Variants in IKZF2 observed in about 807,000 individuals in gnomAD.
The protein encoded by IKZF2 is IKAROS family zinc finger 2.
In IKZF2, 15 loss-of-function variants were observed where a neutral mutation model predicts 49.2. The observed-to-expected ratio is 0.30, with a 90% CI of 0.20 to 0.47. The LOEUF is 0.47. Among genes scored for constraint, IKZF2 ranks in the 20% least tolerant of loss-of-function variants. The pLI, the probability that IKZF2 is intolerant of heterozygous loss-of-function variation, is 1.00. For synonymous variants in IKZF2, 227 were observed against 221.4 expected (o/e 1.03, Z -0.23); for missense variants, 567 against 664.6 (o/e 0.85, Z 1.61).
intron 4 of IKZF2, among the ~76,000 whole-genome samples, chr2:213,119,761 T>A (rs992149904): frequency 6.6e-6 from 1 of 152,200 alleles, no homozygotes; most frequent in Non-Finnish European, 1.5e-5. Flanking sequence ...CCATCATATA[T>A]GGATCCCTAC....
rs1260767436 is a variant in IKZF2, at chr2:213,002,011, C to T, written c.*5349G>A. On this transcript the variant is annotated 3_prime_UTR_variant, in exon 9 of 9. Coordinates refer to ENST00000434687, the MANE Select transcript of IKZF2 (RefSeq NM_001387220.1). Reference sequence around the variant, plus strand: ...CTTGGTAAGTGCATAGTAGGGGATTCAGTGACCTCCACCTGCTCAAGAAGC... The same window carrying T: ...CTTGGTAAGTGCATAGTAGGGGATTTAGTGACCTCCACCTGCTCAAGAAGC... 1 of 151,348 alleles carries T rather than the reference C, an allele frequency of 6.6e-6. No individual in the cohort carries two copies. 9.4% of individuals were successfully genotyped at this position (151,348 alleles called of 1,614,324 possible). A position where few individuals can be genotyped will look rare whatever the true frequency, so the allele number is the denominator to read the frequency against.
intron 5 of IKZF2, among the ~76,000 whole-genome samples, chr2:213,051,665 G>A (rs1433175510): frequency 2.0e-5 from 3 of 151,730 alleles, no homozygotes; most frequent in Non-Finnish European, 4.4e-5. Context: ...TTTAAATCAA[G>A]AATTTTCCAC....
chr2:213,111,782 T>C (rs1052165161), intron 4 of IKZF2, among the ~76,000 whole-genome samples: 4 of 152,156 alleles, frequency 2.6e-5, no homozygotes, highest in African/African-American at 9.6e-5. Context: ...TGTTAATTTT[T>C]GTCCTATGTT....
At chr2:213,027,660 C>T (rs1045325075) in intron 6 of IKZF2, among the ~76,000 whole-genome samples, 2 of 152,112 alleles carry the variant, frequency 1.3e-5, no homozygotes, top group Non-Finnish European at 2.9e-5. Flanking sequence ...CCATGTTTTC[C>T]TCTTCGTTGG....
rs1308894132 is a variant in IKZF2 at position 213,109,229 on chromosome 2, C to T, written c.139+38479G>A. Among the ~76,000 whole-genome samples the T allele has an allele frequency of 2.6e-5, 4 of 152,030 alleles. No homozygotes were observed. In the East Asian group the frequency reaches 7.7e-4, roughly 29 times the overall value. On this transcript the variant is annotated intron_variant, in intron 4 of 8. Transcript: ENST00000434687. ...CCTACCAAATTCTCAGCAAGTAAAA[C>T]ATGCAAGCAGACACAAAATTATAGC...
chr2:213,026,381 C>A (rs1697824722), intron 6 of IKZF2, among the ~76,000 whole-genome samples: 1 of 152,128 alleles, frequency 6.6e-6, no homozygotes, highest in Admixed American at 6.6e-5. Flanking sequence ...GACTTTTATA[C>A]TGGTATTTAC....
chr2:213,114,804 C>T (rs749243586), intron 4 of IKZF2, among the ~76,000 whole-genome samples: 22 of 151,902 alleles, frequency 1.4e-4, no homozygotes, highest in Admixed American at 5.2e-4. Context: ...TGGTAGCGCG[C>T]GCCTGTAGTC....
chr2:213,071,893 C>G (rs1473529136), intron 4 of IKZF2, among the ~76,000 whole-genome samples: 2 of 151,794 alleles, frequency 1.3e-5, no homozygotes, highest in African/African-American at 4.8e-5. Flanking sequence ...CAAGCAAAAC[C>G]TAAAAATATT....
At chr2:213,104,203 T>C (rs915195642) in intron 4 of IKZF2, among the ~76,000 whole-genome samples, 6 of 151,918 alleles carry the variant, frequency 3.9e-5, no homozygotes, top group African/African-American at 1.4e-4. Context: ...TTAAAAGTTT[T>C]GTTTTGCTGT....
At chr2:213,118,407 C>T (rs2059943960) in intron 4 of IKZF2, among the ~76,000 whole-genome samples, 1 of 152,106 alleles carries the variant, frequency 6.6e-6, no homozygotes, top group Non-Finnish European at 1.5e-5. Flanking sequence ...GGGCTCTGTT[C>T]TAAGACTATC....
At chr2:213,072,296 G>GTTTTTTTT (rs377550534) in intron 4 of IKZF2, among the ~76,000 whole-genome samples, 3 of 144,550 alleles carry the variant, frequency 2.1e-5, no homozygotes, top group Non-Finnish European at 4.6e-5. Flanking sequence ...CCTTTCCTTT[G>GTTTTTTTT]TTTTTTTTTT....
At chr2:213,136,772 C>T (rs1348303011) in intron 4 of IKZF2, among the ~76,000 whole-genome samples, 1 of 152,128 alleles carries the variant, frequency 6.6e-6, no homozygotes, top group Non-Finnish European at 1.5e-5. Context: ...GTTTACCCTC[C>T]GATATCCCAA....
chr2:213,086,247 G>A (rs1704580634), intron 4 of IKZF2, among the ~76,000 whole-genome samples: 1 of 152,048 alleles, frequency 6.6e-6, no homozygotes, highest in African/African-American at 2.4e-5. Context: ...TAGAATCCAG[G>A]GAAAGAATCC....
upstream of IKZF2, chr2:213,152,223 A>G (rs976057588): frequency 1.3e-5 from 2 of 152,222 alleles, no homozygotes; most frequent in Non-Finnish European, 2.9e-5. Flanking sequence ...GGCCGGGGGA[A>G]GGGAGCGGGG....
intron 7 of IKZF2, 54 bp from the exon 8 acceptor site, chr2:213,013,988 G>A: frequency 2.6e-6 from 4 of 1,557,734 alleles, no homozygotes; most frequent in Middle Eastern, 3.4e-4. Flanking sequence ...CATTTTGGAT[G>A]ATACAAAGCT....
intron 6 of IKZF2, among the ~76,000 whole-genome samples, chr2:213,043,661 T>C (rs1699875585): frequency 6.6e-6 from 1 of 152,188 alleles, no homozygotes; most frequent in Admixed American, 6.5e-5. Flanking sequence ...CCACCTCAGA[T>C]CATCAGGCAT....
At chr2:213,151,317 C>G (rs1021798364) in intron 1 of IKZF2, 96 bp downstream of exon 1, 1 of 152,138 alleles carries the variant, frequency 6.6e-6, no homozygotes, top group Non-Finnish European at 1.5e-5. Flanking sequence ...AACACTCCCC[C>G]CTTTGCAAAT....
intron 4 of IKZF2, among the ~76,000 whole-genome samples, chr2:213,088,626 G>A (rs949604184): frequency 6.6e-6 from 1 of 152,038 alleles, no homozygotes; most frequent in African/African-American, 2.4e-5. Context: ...AGTCATAGTG[G>A]TGGGCGGCTG....
Position 213,080,110 on chromosome 2 carries a change from T to C in IKZF2, c.140-23011A>G, listed in dbSNP as rs541307525. 2.6e-5 allele frequency among the ~76,000 whole-genome samples: 4 copies of C among 152,028 alleles called. No individual in the cohort carries two copies. The South Asian group carries it at 8.3e-4, about 32-fold the overall frequency. The stretch of plus-strand genomic sequence containing the variant: ...AGGAACAAAAGAAATAAAAACACTC[T>C]CCTAAGAGAAAAAGAGATAAGCCTG... On this transcript the variant is annotated intron_variant, in intron 4 of 8. Coordinates refer to ENST00000434687, the MANE Select transcript of IKZF2 (RefSeq NM_001387220.1).
Sources: gnomAD v4.1 joint callset for allele counts (sites outside exome capture counted in the v4.1 genomes callset) on GRCh38, gnomAD v4.1.1 for gene constraint, MANE v1.5 for transcripts, NCBI Gene and HGNC (gene_info 2026-07-23, HGNC 2026-07-21) for gene names.